The following CSGALNACT2 variants were observed in gnomAD, a reference collection of about 807,000 sequenced individuals.
CSGALNACT2 encodes the protein beta 4 GalNAcT-2.
Under a neutral mutation model 55.3 loss-of-function variants are expected in CSGALNACT2, and 35 were observed. The ratio of observed to expected loss-of-function variants is 0.63; its 90% CI spans 0.48 to 0.84. CSGALNACT2 has a LOEUF of 0.84. CSGALNACT2 is among the 40% of genes least tolerant of loss of function. The pLI is 0.00. For synonymous variants in CSGALNACT2, 196 were observed against 224.9 expected, an observed-to-expected ratio of 0.87 and a Z score of 1.15; for missense variants, 544 against 657.5, an observed-to-expected ratio of 0.83 and a Z score of 1.89.
intron 4 of CSGALNACT2, among the ~76,000 whole-genome samples, chr10:43,161,161 T>A (rs528746389): frequency 1.3e-5 from 2 of 152,362 alleles, no homozygotes; most frequent in East Asian, 3.9e-4. Context: ...CCCTTAGTAC[T>A]TAATTATTAA....
intron 1 of CSGALNACT2, among the ~76,000 whole-genome samples, chr10:43,149,089 G>T (rs1838820828): frequency 6.6e-6 from 1 of 151,958 alleles, no homozygotes; most frequent in South Asian, 2.1e-4. Context: ...GTTTGGTTTG[G>T]TTTGGTTTTT....
chr10:43,141,561 C>T (rs1311214848), intron 1 of CSGALNACT2, among the ~76,000 whole-genome samples: 8 of 91,872 alleles, frequency 8.7e-5, no homozygotes, highest in Non-Finnish European at 1.4e-4. Flanking sequence ...CACCTGTCGT[C>T]CCAGCTGTTC....
Position 43,163,938 on chromosome 10 carries a change from G to C in CSGALNACT2, c.1053G>C (p.Val351=), listed in dbSNP as rs772798899. 1 of 1,614,148 alleles carries C rather than the reference G, an allele frequency of 6.2e-7. No homozygotes were observed. Among genetic ancestry groups the C allele is most frequent in the South Asian group, 1.1e-5 (1 of 91,072 alleles). ...EEFNRGRGLN[V]GARAWDKGEV... ...TTAATCGTGGACGAGGACTAAATGTGGGTGCCCGAGCTTGGGACAAGGGAG... is the reference window on the plus strand; with the variant it reads ...TTAATCGTGGACGAGGACTAAATGTCGGTGCCCGAGCTTGGGACAAGGGAG... Residue 351 remains valine (V), a synonymous_variant, in exon 5 of 8, where the codon GTG becomes GTC. Transcript: ENST00000374466.
Position 43,155,798 on chromosome 10 carries a change from G to T in CSGALNACT2, c.649G>T (p.Asp217Tyr). Residue 217 changes from aspartate to tyrosine, a missense_variant, in exon 2 of 8, where the codon GAC becomes TAC. Asp to Tyr is a radical substitution (Grantham distance 160). This residue lies in a region of CSGALNACT2 where 374 missense variants were observed against 401.3 expected (regional missense o/e 0.93). Coordinates refer to ENST00000374466, the MANE Select transcript of CSGALNACT2 (RefSeq NM_018590.5). The part of the protein sequence containing the change: ...LGEKLIFNEN[D>Y]FVEGYYRTER... ...AGAGAAACTGATATTTAATGAAAAT[G>T]ACTTCGTAGAAGGTAATGTGAAAAA... is the stretch of plus-strand genomic sequence containing the variant. 2 of 1,607,278 alleles carry T rather than the reference G, an allele frequency of 1.2e-6. No individual in the cohort carries two copies. The highest frequency in any genetic ancestry group is 2.2e-5 in the South Asian group (2 of 89,782).
chr10:43,147,264 C>T (rs1265712256), intron 1 of CSGALNACT2, among the ~76,000 whole-genome samples: 3 of 152,082 alleles, frequency 2.0e-5, no homozygotes, highest in East Asian at 3.8e-4. Context: ...CGTGAGCCAC[C>T]GCGCCCGGCC....
chr10:43,171,301 G>A (rs144094006), intron 6 of CSGALNACT2, among the ~76,000 whole-genome samples: 156 of 151,304 alleles, frequency 1.0e-3, no homozygotes, highest in Non-Finnish European at 1.4e-3. Flanking sequence ...ACAAAAAGAG[G>A]CAAATAAAGT....
rs1276975326 is a variant in CSGALNACT2 at position 43,156,724 on chromosome 10, C to T, written c.661+914C>T. On this transcript the variant is annotated intron_variant, in intron 2 of 7. Coordinates refer to ENST00000374466, the MANE Select transcript of CSGALNACT2 (RefSeq NM_018590.5). ...AAGAGCGTGCAGTGTAGATTCCTTG[C>T]ATGTGCAGTTCACAACAGAGTTTGC... Among the ~76,000 whole-genome samples the T allele has an allele frequency of 2.6e-5, 4 of 151,284 alleles. No individual in the cohort carries two copies. In the South Asian group the frequency reaches 8.4e-4, roughly 32 times the overall value.
chr10:43,162,277 A>C, intron 4 of CSGALNACT2: 1 of 570,538 alleles, frequency 1.8e-6, no homozygotes, highest in Admixed American at 1.9e-5. Flanking sequence ...GCCATCAGAG[A>C]GGAAAGAGCT....
intron 5 of CSGALNACT2, among the ~76,000 whole-genome samples, chr10:43,165,780 G>A (rs1245304518): frequency 3.3e-5 from 5 of 151,988 alleles, no homozygotes; most frequent in Admixed American, 1.3e-4. Context: ...CACCTCAGTC[G>A]GGAGTTCGAT....
At chr10:43,149,109 G>C (rs1004545811) in intron 1 of CSGALNACT2, among the ~76,000 whole-genome samples, 1 of 152,114 alleles carries the variant, frequency 6.6e-6, no homozygotes, top group Non-Finnish European at 1.5e-5. Flanking sequence ...TTGAGATGGA[G>C]TCTCGCTTTG....
rs1462297174 is a variant in CSGALNACT2 at position 43,175,999 on chromosome 10, A to G, written c.1303A>G (p.Thr435Ala). Reference protein sequence around the residue: ...GFWRDFGFGMTCQYRSDFLTI... With the variant: ...GFWRDFGFGMACQYRSDFLTI... Reference sequence around the variant, plus strand: ...TTGGCGAGATTTTGGCTTTGGAATGACTTGTCAGTATCGTTCAGATTTCCT... The same window carrying G: ...TTGGCGAGATTTTGGCTTTGGAATGGCTTGTCAGTATCGTTCAGATTTCCT... The change falls in exon 7 of 8, where the codon ACT (threonine) becomes GCT (alanine). Residue 435 changes from threonine (T) to alanine (A), a missense_variant. Thr to Ala is a moderately conservative substitution (Grantham distance 58). Transcript: ENST00000374466. 1 of 1,610,332 alleles carries G rather than the reference A, an allele frequency of 6.2e-7. No individual in the cohort carries two copies. The highest frequency in any genetic ancestry group is 8.5e-7 in the Non-Finnish European group (1 of 1,179,094).
chr10:43,154,901 A>G lies in CSGALNACT2; in HGVS notation c.-249A>G, dbSNP rs891543963. The G allele has an allele frequency of 4.5e-6, 2 of 447,664 alleles. No individual in the cohort carries two copies. The highest frequency in any genetic ancestry group is 7.9e-6 in the Non-Finnish European group (2 of 252,984). 27.7% of individuals were successfully genotyped at this position (447,664 alleles called of 1,614,324 possible). ...ATTCTGATCTGTGTCTTTCAGAAAA[A>G]TCACTACCAATATAATGGATTTTAT... On this transcript the variant is annotated 5_prime_UTR_variant, in exon 2 of 8. Transcript: ENST00000374466.
intron 1 of CSGALNACT2, among the ~76,000 whole-genome samples, chr10:43,139,961 C>T (rs1293308306): frequency 6.6e-6 from 1 of 151,940 alleles, no homozygotes. Context: ...TTGGGGAGGC[C>T]GAGGCAGGTG....
chr10:43,158,026 TAAAA>T (rs770700775), intron 2 of CSGALNACT2, among the ~76,000 whole-genome samples: 2 of 99,426 alleles, frequency 2.0e-5, no homozygotes, highest in Non-Finnish European at 2.0e-5. Context: ...AGACTCCGTC[TAAAA>T]AAAAAAAAAA....
chr10:43,175,986 T>G lies in CSGALNACT2; in HGVS notation c.1290T>G (p.Phe430Leu). ...AGGATTCTGGCTTTTGGCGAGATTT[T>G]GGCTTTGGAATGACTTGTCAGTATC... ...HKKDSGFWRD[F>L]GFGMTCQYRS... is the part of the protein sequence containing the mutation. The change falls in exon 7 of 8, where the codon TTT (phenylalanine) becomes TTG (leucine). Residue 430 changes from phenylalanine (F) to leucine (L), a missense_variant. Physicochemically the swap from Phe to Leu is conservative, Grantham distance 22. Coordinates refer to ENST00000374466, the MANE Select transcript of CSGALNACT2 (RefSeq NM_018590.5). The G allele has an allele frequency of 6.2e-7, 1 of 1,610,226 alleles. No individual in the cohort carries two copies. Among genetic ancestry groups the G allele is most frequent in the Non-Finnish European group, 8.5e-7 (1 of 1,178,996 alleles).
intron 5 of CSGALNACT2, among the ~76,000 whole-genome samples, chr10:43,165,527 C>T (rs1200413678): frequency 6.6e-6 from 1 of 152,086 alleles, no homozygotes; most frequent in Non-Finnish European, 1.5e-5. Flanking sequence ...CTGCTGAGCA[C>T]AGTAGCTCAC....
At chr10:43,158,472 A>G (rs909413870) in intron 2 of CSGALNACT2, among the ~76,000 whole-genome samples, 6 of 152,204 alleles carry the variant, frequency 3.9e-5, no homozygotes, top group Admixed American at 6.5e-5. Flanking sequence ...AAAAGGAACA[A>G]TTGTCATTTG....
chr10:43,178,618 C>CAAA (rs201493922), intron 7 of CSGALNACT2, among the ~76,000 whole-genome samples: 2 of 64,710 alleles, frequency 3.1e-5, no homozygotes, highest in Non-Finnish European at 6.4e-5. Flanking sequence ...GAGACTCCAT[C>CAAA]AAAAAAAAAA....
intron 2 of CSGALNACT2, among the ~76,000 whole-genome samples, chr10:43,156,758 G>T (rs532181132): frequency 2.0e-5 from 3 of 152,346 alleles, no homozygotes; most frequent in Admixed American, 2.0e-4. Flanking sequence ...GCTCTACTTT[G>T]AGAATCCAGT....
Sources: gnomAD v4.1 joint callset for allele counts (sites outside exome capture counted in the v4.1 genomes callset) on GRCh38, gnomAD v4.1.1 for gene constraint, gnomAD v4.1.1 regional missense constraint, MANE v1.5 for transcripts, NCBI Gene and HGNC (gene_info 2026-07-23, HGNC 2026-07-21) for gene names.